Variants in DCP2 observed in about 807,000 individuals in gnomAD.
DCP2 encodes the protein m7GpppN-mRNA hydrolase.
A neutral mutation model predicts 56.1 loss-of-function variants in DCP2; 30 were observed. That is an observed-to-expected ratio of 0.53 (90% CI 0.40 to 0.73). The LOEUF (loss-of-function observed/expected upper bound fraction) is 0.73. Ranked by LOEUF, DCP2 falls within the 30% of genes least tolerant of loss-of-function variation. The pLI, the probability that DCP2 is intolerant of heterozygous loss-of-function variation, is 0.00. For missense variants in DCP2, 533 were observed against 502.7 expected, an observed-to-expected ratio of 1.06 and a Z score of -0.58; for synonymous variants, 197 against 163.3, an observed-to-expected ratio of 1.21 and a Z score of -1.57.
chr5:112,993,050 A>G (rs545430131), intron 4 of DCP2, among the ~76,000 whole-genome samples: 1 of 151,894 alleles, frequency 6.6e-6, no homozygotes, highest in East Asian at 1.9e-4. Flanking sequence ...CTTTAGAATT[A>G]GATTTCCTAT....
Position 113,010,759 on chromosome 5 carries a change from T to A in DCP2, c.1051T>A (p.Cys351Ser). Residue 351 changes from cysteine to serine, a missense_variant, in exon 10 of 11, where the codon TGT (cysteine) becomes AGT (serine). By Grantham distance (112) the Cys-to-Ser change is moderately radical. Coordinates refer to ENST00000389063, the MANE Select transcript of DCP2 (RefSeq NM_152624.6). ...TGTTTTTTTTTTTTTTAAATAGAAG[T>A]GTGAAAAGAAACTTCATCCACGGAA... is the stretch of plus-strand genomic sequence containing the variant. ...PAKQQNSLMKCEKKLHPRKLQ... is the reference protein window; with the variant it reads ...PAKQQNSLMKSEKKLHPRKLQ... 2 of 1,584,736 alleles carry A rather than the reference T, an allele frequency of 1.3e-6. No individual in the cohort carries two copies. Among genetic ancestry groups the A allele is most frequent in the Non-Finnish European group, 1.7e-6 (2 of 1,172,374 alleles).
At chr5:112,998,402 C>T (rs1179292395) in intron 4 of DCP2, among the ~76,000 whole-genome samples, 1 of 152,202 alleles carries the variant, frequency 6.6e-6, no homozygotes, top group African/African-American at 2.4e-5. Flanking sequence ...AGAAGACCAT[C>T]CCCCAACTCT....
At position 113,013,630 on chromosome 5, in the gene DCP2, A is replaced by G; in HGVS notation, c.*146A>G. ...AGACATTTTCTGTTTATAAGAGAGT[A>G]GAAAGAAACACGAGTTTGCACTGTA... On this transcript the variant is annotated 3_prime_UTR_variant, in exon 11 of 11. Coordinates refer to ENST00000389063, the MANE Select transcript of DCP2 (RefSeq NM_152624.6). 1.1e-6 allele frequency: 1 copy of G among 945,610 alleles called. No individual in the cohort carries two copies. Among genetic ancestry groups the G allele is most frequent in the Non-Finnish European group, 1.6e-6 (1 of 635,972 alleles). 58.6% of individuals were successfully genotyped at this position (945,610 alleles called of 1,614,324 possible).
intron 4 of DCP2, 125 bp from the exon 5 acceptor site, chr5:113,000,959 A>C (rs1749150128): frequency 1.0e-6 from 1 of 994,996 alleles, no homozygotes; most frequent in Non-Finnish European, 1.4e-6. Flanking sequence ...CCAGCCTGTC[A>C]TTTCTAGAAA....
At chr5:113,007,090 C>G (rs1749473185) in intron 8 of DCP2, among the ~76,000 whole-genome samples, 1 of 151,720 alleles carries the variant, frequency 6.6e-6, no homozygotes, top group South Asian at 2.1e-4. Context: ...GAGAGCCAAG[C>G]ACTGTGCTCC....
At chr5:113,001,491 T>G (rs759592279) in intron 6 of DCP2, 22 bp downstream of exon 6, 1 of 1,607,728 alleles carries the variant, frequency 6.2e-7, no homozygotes, top group South Asian at 1.1e-5. Context: ...TTTCTTGAAA[T>G]GTAACTTTCA....
chr5:113,000,313 C>A (rs140707393), intron 4 of DCP2, among the ~76,000 whole-genome samples: 1 of 151,348 alleles, frequency 6.6e-6, no homozygotes, highest in Non-Finnish European at 1.5e-5. Context: ...AGTGATCCTC[C>A]CTCTGTGGCC....
intron 1 of DCP2, among the ~76,000 whole-genome samples, chr5:112,977,660 G>A (rs79402472): frequency 6.6e-6 from 1 of 151,944 alleles, no homozygotes; most frequent in Non-Finnish European, 1.5e-5. Flanking sequence ...TTTAACTCAG[G>A]GTGTATACTT....
At position 113,021,942 on chromosome 5, in the gene DCP2, C is replaced by T. The variant is rs1391785786; in HGVS notation, c.*8458C>T. On this transcript the variant is annotated 3_prime_UTR_variant, in exon 11 of 11. Coordinates refer to ENST00000389063, the MANE Select transcript of DCP2 (RefSeq NM_152624.6). ...TAAAAATGGGCTATAAATGAGGGTTCTTTGGCCATTTTGATCTAATAATAG... is the reference window on the plus strand; with the variant it reads ...TAAAAATGGGCTATAAATGAGGGTTTTTTGGCCATTTTGATCTAATAATAG... Among the ~76,000 whole-genome samples the T allele has an allele frequency of 2.0e-5, 3 of 152,226 alleles. No homozygotes were observed. Among genetic ancestry groups the T allele is most frequent in the Admixed American group, 6.5e-5 (1 of 15,294 alleles).
At chr5:113,004,902 G>T (rs1353339198) in intron 8 of DCP2, among the ~76,000 whole-genome samples, 1 of 151,562 alleles carries the variant, frequency 6.6e-6, no homozygotes, top group Non-Finnish European at 1.5e-5. Context: ...CGAGGCGGGT[G>T]AATCACCTAA....
At chr5:112,987,716 C>T (rs577726081) in intron 2 of DCP2, among the ~76,000 whole-genome samples, 5 of 147,014 alleles carry the variant, frequency 3.4e-5, no homozygotes, top group African/African-American at 1.0e-4. Flanking sequence ...TCAAGTGATC[C>T]ACCTGCCTTG....
At chr5:112,986,425 G>A (rs1748291123) in intron 2 of DCP2, among the ~76,000 whole-genome samples, 1 of 151,484 alleles carries the variant, frequency 6.6e-6, no homozygotes, top group South Asian at 2.1e-4. Flanking sequence ...GTATTCTCGA[G>A]CTCCTGCTTA....
intron 8 of DCP2, among the ~76,000 whole-genome samples, chr5:113,005,281 A>G (rs1330760729): frequency 6.6e-6 from 1 of 152,172 alleles, no homozygotes; most frequent in Non-Finnish European, 1.5e-5. Context: ...TAAGGGGTTA[A>G]TATCCAGAAT....
chr5:113,013,767 C>G lies in DCP2; in HGVS notation c.*283C>G. ...GTGACTGTGGGTTTTATTTTGTATT[C>G]TGGTTAAGAAAATAATGTATTGAGT... On this transcript the variant is annotated 3_prime_UTR_variant, in exon 11 of 11. Transcript: ENST00000389063. The G allele has an allele frequency of 3.6e-6, 1 of 278,868 alleles. No homozygotes were observed. The highest frequency in any genetic ancestry group is 1.0e-4 in the South Asian group (1 of 9,734). 17.3% of individuals were successfully genotyped at this position (278,868 alleles called of 1,614,324 possible).
chr5:112,984,701 A>ATATATATATATAT (rs1181496332), intron 1 of DCP2: 44 of 79,544 alleles, frequency 5.5e-4, no homozygotes, highest in East Asian at 3.2e-3. Context: ...AAAAAAAAAA[A>ATATATATATATAT]AAATATATAT....
At chr5:112,977,864 A>G (rs1747792453) in intron 1 of DCP2, among the ~76,000 whole-genome samples, 2 of 151,958 alleles carry the variant, frequency 1.3e-5, no homozygotes, top group African/African-American at 4.8e-5. Flanking sequence ...TACTGTGTTT[A>G]TGTTTTAAAA....
chr5:112,985,947 G>C lies in DCP2; in HGVS notation c.166G>C (p.Gly56Arg). ...GGATTTCTACATGCAGAACACACCAGGATTACCTCAGTGTGGGATAAGAGA... is the reference window on the plus strand; with the variant it reads ...GGATTTCTACATGCAGAACACACCACGATTACCTCAGTGTGGGATAAGAGA... ...YLDFYMQNTP[G>R]LPQCGIRDFA... is the part of the protein sequence containing the mutation. Residue 56 changes from glycine (G) to arginine (R), a missense_variant, in exon 2 of 11, where the codon GGA (glycine) becomes CGA (arginine). Transcript: ENST00000389063. 2 of 1,592,492 alleles carry C rather than the reference G, an allele frequency of 1.3e-6. No individual in the cohort carries two copies. Among genetic ancestry groups the C allele is most frequent in the Non-Finnish European group, 1.7e-6 (2 of 1,163,766 alleles).
chr5:112,999,981 A>C (rs746842291), intron 4 of DCP2, among the ~76,000 whole-genome samples: 19 of 150,428 alleles, frequency 1.3e-4, no homozygotes, highest in Non-Finnish European at 1.8e-4. Flanking sequence ...GAATTGCTTG[A>C]AACTGGGAGG....
In DCP2 at chr5:113,017,808, A is replaced by G. The variant is rs773222622; in HGVS notation, c.*4324A>G. 1 of 152,210 alleles carries G rather than the reference A, an allele frequency of 6.6e-6. No individual in the cohort carries two copies. The highest frequency in any genetic ancestry group is 1.5e-5 in the Non-Finnish European group (1 of 68,042). 9.4% of individuals were successfully genotyped at this position (152,210 alleles called of 1,614,324 possible). ...ATCATTGCATGGCCTAAGTGTAGTC[A>G]TTCATATATATATGAATATCTATAT... On this transcript the variant is annotated 3_prime_UTR_variant, in exon 11 of 11. Transcript: ENST00000389063.
Sources: gnomAD v4.1 joint callset for allele counts (sites outside exome capture counted in the v4.1 genomes callset) on GRCh38, gnomAD v4.1.1 for gene constraint, MANE v1.5 for transcripts, NCBI Gene and HGNC (gene_info 2026-07-23, HGNC 2026-07-21) for gene names.